The following FAM20C variants were observed in gnomAD, a reference collection of about 807,000 sequenced individuals.
FAM20C encodes extracellular serine/threonine protein kinase FAM20C.
Under a neutral mutation model 51.5 loss-of-function variants are expected in FAM20C, and 40 were observed. That is an observed-to-expected ratio of 0.78 (90% confidence interval 0.60 to 1.01). The LOEUF is 1.01. FAM20C is among the 50% of genes least tolerant of loss of function. FAM20C has a pLI of 0.00. For synonymous variants in FAM20C, 406 were observed against 380.6 expected, an observed-to-expected ratio of 1.07 and a Z score of -0.78; for missense variants, 861 against 844.7, an observed-to-expected ratio of 1.02 and a Z score of -0.24.
At chr7:213,107 GTCC>G (rs1562373588) in intron 3 of FAM20C, among the ~76,000 whole-genome samples, 1 of 64,680 alleles carries the variant, frequency 1.5e-5, no homozygotes, top group Non-Finnish European at 3.5e-5. Context: ...AGGCTCTGGA[GTCC>G]TGCAGTGTGT....
At chr7:237,638 G>A (rs921372693) in intron 3 of FAM20C, among the ~76,000 whole-genome samples, 9 of 151,788 alleles carry the variant, frequency 5.9e-5, no homozygotes, top group African/African-American at 2.2e-4. Context: ...AGCAATGACG[G>A]TAATGATGGT....
rs1033646030 is a variant in FAM20C, at chr7:192,576, G to A, written c.-624G>A. Reference sequence around the variant, plus strand: ...CGCCCGGGACGCGGGGCGCCGAGAGGCTCGGCCAGGCGGGAGCTGCGCTCG... The same window carrying A: ...CGCCCGGGACGCGGGGCGCCGAGAGACTCGGCCAGGCGGGAGCTGCGCTCG... On this transcript the variant is annotated 5_prime_UTR_variant, in exon 1 of 10. Coordinates refer to ENST00000313766, the MANE Select transcript of FAM20C (RefSeq NM_020223.4). Among the ~76,000 whole-genome samples the A allele has an allele frequency of 3.9e-4, 59 of 151,112 alleles. No homozygotes were observed. The highest frequency in any genetic ancestry group is 1.4e-3 in the African/African-American group (57 of 41,382).
intron 3 of FAM20C, among the ~76,000 whole-genome samples, chr7:220,559 G>A (rs1250649250): frequency 6.6e-6 from 1 of 152,208 alleles, no homozygotes; most frequent in East Asian, 1.9e-4. Flanking sequence ...CCCACAAACT[G>A]AGTTAAGCAT....
At chr7:208,286 C>A (rs1360042539) in intron 2 of FAM20C, among the ~76,000 whole-genome samples, 1 of 151,648 alleles carries the variant, frequency 6.6e-6, no homozygotes, top group Non-Finnish European at 1.5e-5. Flanking sequence ...CAGGTAAGCA[C>A]ACCTGGCCGT....
intron 2 of FAM20C, among the ~76,000 whole-genome samples, chr7:205,984 C>T (rs978838188): frequency 2.0e-5 from 3 of 152,132 alleles, no homozygotes; most frequent in Non-Finnish European, 4.4e-5. Flanking sequence ...CTGCAGGCAG[C>T]TCCCCCATCC....
intron 7 of FAM20C, 91 bp downstream of exon 7, chr7:256,854 G>A (rs1788609888): frequency 1.2e-5 from 17 of 1,441,142 alleles, no homozygotes; most frequent in Admixed American, 5.9e-5. Context: ...TCCGTGGCAC[G>A]GCCCGGCTGC....
intron 2 of FAM20C, among the ~76,000 whole-genome samples, chr7:208,251 G>A (rs1443078650): frequency 6.6e-6 from 1 of 152,092 alleles, no homozygotes; most frequent in Non-Finnish European, 1.5e-5. Flanking sequence ...GTGCTGATGT[G>A]AGTGGGTGTT....
At chr7:196,433 A>T (rs1481005975) in intron 2 of FAM20C, among the ~76,000 whole-genome samples, 1 of 152,204 alleles carries the variant, frequency 6.6e-6, no homozygotes, top group Non-Finnish European at 1.5e-5. Flanking sequence ...TTGTTTGTGA[A>T]GGTCCCATTT....
intron 2 of FAM20C, 44 bp from the exon 3 acceptor site, chr7:208,854 G>T (rs201766918): frequency 6.5e-7 from 1 of 1,543,644 alleles, no homozygotes; most frequent in Non-Finnish European, 8.8e-7. Flanking sequence ...AAGAAGGGGC[G>T]TGAGGCCAGA....
At chr7:195,862 C>G in intron 2 of FAM20C, 130 bp downstream of exon 2, 1 of 895,962 alleles carries the variant, frequency 1.1e-6, no homozygotes. Flanking sequence ...CCTCCTGCAG[C>G]AATCTGCACG....
At chr7:202,670 G>T (rs1033061539) in intron 2 of FAM20C, among the ~76,000 whole-genome samples, 1 of 150,604 alleles carries the variant, frequency 6.6e-6, no homozygotes, top group Non-Finnish European at 1.5e-5. Context: ...TGGGGAATGG[G>T]GCCCGTGGAC....
At chr7:210,826 T>C (rs1442055612) in intron 3 of FAM20C, among the ~76,000 whole-genome samples, 2 of 152,104 alleles carry the variant, frequency 1.3e-5, no homozygotes, top group Non-Finnish European at 2.9e-5. Flanking sequence ...CAGCTGTGGT[T>C]GGAGAACGGT....
intron 2 of FAM20C, among the ~76,000 whole-genome samples, chr7:198,488 G>A (rs544039830): frequency 5.3e-5 from 8 of 152,328 alleles, no homozygotes; most frequent in East Asian, 1.9e-4. Flanking sequence ...CTAAATTGTC[G>A]AGGCTAGTTA....
intron 3 of FAM20C, among the ~76,000 whole-genome samples, chr7:224,311 CG>C (rs1554252365): frequency 0.013 from 378 of 30,228 alleles, 90 homozygotes; most frequent in South Asian, 0.02. Flanking sequence ...GGCACCGTCA[CG>C]GGGGTCGCAC....
chr7:228,419 G>T (rs1218964419), intron 3 of FAM20C: 1 of 455,408 alleles, frequency 2.2e-6, no homozygotes, highest in Non-Finnish European at 4.4e-6. Flanking sequence ...CTGGGTTGAG[G>T]AGACCCCCAA....
At chr7:244,248 G>A (rs900542010) in intron 3 of FAM20C, among the ~76,000 whole-genome samples, 1 of 152,152 alleles carries the variant, frequency 6.6e-6, no homozygotes, top group African/African-American at 2.4e-5. Flanking sequence ...TCCATCTGGA[G>A]TTCCCTTTTT....
In FAM20C at chr7:205,395, A is replaced by G. The variant is rs369440577; in HGVS notation, c.785-3503A>G. Among the ~76,000 whole-genome samples, 88 of 147,214 alleles carry G rather than the reference A, an allele frequency of 6.0e-4. 2 individuals are homozygous for G. The East Asian group carries it at 0.016, about 26-fold the overall frequency. On this transcript the variant is annotated intron_variant, in intron 2 of 9. Coordinates refer to ENST00000313766, the MANE Select transcript of FAM20C (RefSeq NM_020223.4). The stretch of plus-strand genomic sequence containing the variant: ...GCTGGGACCACGGACACACACCACC[A>G]CACCAGTTAATTTTTTAATTTTTTG...
intron 3 of FAM20C, among the ~76,000 whole-genome samples, chr7:213,862 G>T (rs541658055): frequency 5.3e-4 from 81 of 152,260 alleles, no homozygotes; most frequent in African/African-American, 1.7e-3. Context: ...CGTCCCGGTG[G>T]GGGTGGAGGG....
intron 3 of FAM20C, among the ~76,000 whole-genome samples, chr7:231,456 G>T (rs1175617930): frequency 6.6e-6 from 1 of 151,350 alleles, no homozygotes; most frequent in Non-Finnish European, 1.5e-5. Context: ...GTGGGAGGAG[G>T]GTCCCGGCGT....
Sources: allele counts gnomAD v4.1 joint callset (sites outside exome capture counted in the v4.1 genomes callset), GRCh38; gene constraint gnomAD v4.1.1; transcripts MANE v1.5; gene names NCBI Gene and HGNC (gene_info 2026-07-23, HGNC 2026-07-21).